SPEG: variants seen among roughly 807,000 people sequenced by gnomAD.
SPEG encodes the protein striated muscle enriched protein kinase, also known as striated muscle preferentially expressed protein kinase.
In SPEG, 114 loss-of-function variants were observed where a neutral mutation model predicts 300.4. The ratio of observed to expected loss-of-function variants is 0.38; its 90% CI spans 0.33 to 0.44. SPEG has a LOEUF of 0.44. Among genes scored for constraint, SPEG ranks in the 20% least tolerant of loss-of-function variants. The pLI is 1.00. For missense variants in SPEG, 4,201 were observed against 4,586.2 expected (o/e 0.92, Z 2.43); for synonymous variants, 1,964 against 2,018.9 (o/e 0.97, Z 0.73).
intron 18 of SPEG, chr2:219,474,515 TGAG>T (rs1392422559): frequency 6.6e-6 from 1 of 152,432 alleles, no homozygotes; most frequent in Non-Finnish European, 1.5e-5. Flanking sequence ...ATTTTACAGA[TGAG>T]GAGACTGAGG....
chr2:219,471,850 C>T lies in SPEG; in HGVS notation c.3716-18C>T. 3.1e-6 allele frequency: 5 copies of T among 1,613,732 alleles called. No homozygotes were observed. The highest frequency in any genetic ancestry group is 4.2e-6 in the Non-Finnish European group (5 of 1,179,916). ...TCCTCCGGGCTCAGGCCCAGTGTCACTGTCCCTCCCCTCCCAGACAGGGAT... is the reference window on the plus strand; with the variant it reads ...TCCTCCGGGCTCAGGCCCAGTGTCATTGTCCCTCCCCTCCCAGACAGGGAT... On this transcript the variant is annotated intron_variant, in intron 13 of 40. Transcript: ENST00000312358.
chr2:219,448,389 C>T lies in SPEG; in HGVS notation c.1231C>T (p.Arg411Trp), dbSNP rs201189275. 14 of 1,550,490 alleles carry T rather than the reference C, an allele frequency of 9.0e-6. No homozygotes were observed. The East Asian group carries it at 3.4e-4, about 38-fold the overall frequency. Residue 411 changes from arginine (R) to tryptophan (W), a missense_variant, in exon 4 of 41, where the codon CGG (arginine) becomes TGG (tryptophan). This residue lies in a region of SPEG where 1,258 missense variants were observed against 1,293.9 expected (regional missense o/e 0.97). Transcript: ENST00000312358. ...CAAGCTGCAGTTCTTCGAGGAGCGA[C>T]GGCGCAGCCTGGAGCGCAGCGACTC... ...LDKLQFFEER[R>W]RSLERSDSPP...
chr2:219,485,556 G>C, intron 31 of SPEG, 79 bp downstream of exon 31: 2 of 1,441,688 alleles, frequency 1.4e-6, no homozygotes, highest in Non-Finnish European at 1.8e-6. Context: ...GTCATGGCTG[G>C]TGAGAGGTGG....
Position 219,444,695 on chromosome 2 carries a change from C to A in SPEG, c.431C>A (p.Thr144Asn). The A allele has an allele frequency of 1.9e-6, 3 of 1,614,018 alleles. No individual in the cohort carries two copies. Among genetic ancestry groups the A allele is most frequent in the Non-Finnish European group, 2.5e-6 (3 of 1,179,942 alleles). Residue 144 changes from threonine to asparagine, a missense_variant, in exon 2 of 41, where the codon ACC becomes AAC. Physicochemically the swap from Thr to Asn is moderately conservative, Grantham distance 65. Coordinates refer to ENST00000312358, the MANE Select transcript of SPEG (RefSeq NM_005876.5). This position sits in a 1 kb window ranked among gnomAD's most constrained non-coding sequence, Gnocchi z 7.8. Reference sequence around the variant, plus strand: ...GATGACATCAGCGATGTGCAGGGAACCCAGCGCCTGGAGCTTCGGGATGAC... The same window carrying A: ...GATGACATCAGCGATGTGCAGGGAAACCAGCGCCTGGAGCTTCGGGATGAC... ...AEDDISDVQG[T>N]QRLELRDDGA...
chr2:219,439,391 A>G lies in SPEG; in HGVS notation c.388+4026A>G, dbSNP rs1301129048. On this transcript the variant is annotated intron_variant, in intron 1 of 40. Transcript: ENST00000312358. This position sits in a 1 kb window ranked among gnomAD's most constrained non-coding sequence, Gnocchi z 4.5. ...AGTGAGGGGAGACAGACAATACACA[A>G]TAAACATAGTAAATAGGTAAATTAC... Among the ~76,000 whole-genome samples, 1 of 152,194 alleles carries G rather than the reference A, an allele frequency of 6.6e-6. No individual in the cohort carries two copies. The highest frequency in any genetic ancestry group is 1.5e-5 in the Non-Finnish European group (1 of 68,038).
At position 219,443,410 on chromosome 2, in the gene SPEG, G is replaced by A. The variant is rs1440703696; in HGVS notation, c.389-1243G>A. ...CTGTTCTCCATGTGAGGCCTAATGG[G>A]AAGGAGTTCATTGCCATGCTTTGGC... On this transcript the variant is annotated intron_variant, in intron 1 of 40. Coordinates refer to ENST00000312358, the MANE Select transcript of SPEG (RefSeq NM_005876.5). The surrounding 1 kb of genome is among the most constrained non-coding windows in gnomAD (Gnocchi z 4.6). 3.7e-6 allele frequency: 2 copies of A among 537,638 alleles called. No individual in the cohort carries two copies. The allele number at this position is 537,638 out of a possible 1,614,324, so 33.3% of individuals were successfully genotyped here.
Position 219,485,464 on chromosome 2 carries a change from G to A in SPEG, c.7728G>A (p.Val2576=), listed in dbSNP as rs1469201839. The part of the protein sequence containing the change: ...SVQEELGHQY[V]RSESDFPPVF... ...AGGAGGAGTTGGGTCACCAGTACGT[G>A]CGCAGTGAGTCAGGTAATAAGAGGC... Residue 2576 remains valine, a synonymous_variant, in exon 31 of 41, where the codon GTG becomes GTA. Transcript: ENST00000312358. 1 of 1,590,582 alleles carries A rather than the reference G, an allele frequency of 6.3e-7. No individual in the cohort carries two copies. Among genetic ancestry groups the A allele is most frequent in the Middle Eastern group, 2.0e-4 (1 of 4,918 alleles).
chr2:219,486,770 G>A (rs1693470025), intron 31 of SPEG, among the ~76,000 whole-genome samples: 1 of 152,020 alleles, frequency 6.6e-6, no homozygotes, highest in Non-Finnish European at 1.5e-5. Context: ...GCAGGGCTGG[G>A]CCCGGGTCAC....
Position 219,484,207 on chromosome 2 carries a change from C to T in SPEG, c.6744C>T (p.Ile2248=), listed in dbSNP as rs1575173470. 1 of 1,612,534 alleles carries T rather than the reference C, an allele frequency of 6.2e-7. No homozygotes were observed. The highest frequency in any genetic ancestry group is 8.5e-7 in the Non-Finnish European group (1 of 1,179,824). Residue 2248 remains isoleucine, a synonymous_variant, in exon 30 of 41, where the codon ATC becomes ATT. Coordinates refer to ENST00000312358, the MANE Select transcript of SPEG (RefSeq NM_005876.5). ...TGCCCCTCACACCCTATGCTCAGAT[C>T]ATTCAGTCCCTCCAGCTGTCAGGCC... The part of the protein sequence containing the change: ...LALPLTPYAQ[I]IQSLQLSGHA...
In SPEG at chr2:219,481,583, T is replaced by C; in HGVS notation, c.5523-55T>C. ...CTTAGGAGCCCTGTTTGCTCAGTTATTGACTCACTGATGACTGAACGATAA... is the reference window on the plus strand; with the variant it reads ...CTTAGGAGCCCTGTTTGCTCAGTTACTGACTCACTGATGACTGAACGATAA... On this transcript the variant is annotated intron_variant, in intron 27 of 40. Coordinates refer to ENST00000312358, the MANE Select transcript of SPEG (RefSeq NM_005876.5). This position sits in a 1 kb window ranked among gnomAD's most constrained non-coding sequence, Gnocchi z 5.4. 2.5e-6 allele frequency: 4 copies of C among 1,606,496 alleles called. No homozygotes were observed. Among genetic ancestry groups the C allele is most frequent in the Non-Finnish European group, 3.4e-6 (4 of 1,173,132 alleles).
In SPEG at chr2:219,483,309, C is replaced by T; in HGVS notation, c.5846C>T (p.Ser1949Phe). The change falls in exon 30 of 41, where the codon TCC becomes TTC. Residue 1949 changes from serine to phenylalanine, a missense_variant. By Grantham distance (155) the Ser-to-Phe change is radical. Coordinates refer to ENST00000312358, the MANE Select transcript of SPEG (RefSeq NM_005876.5). Reference sequence around the variant, plus strand: ...CCCGAGTTCTCTGGCTCCCGGGTGTCCCTCACAGACATTCCCACTGAGGAT... The same window carrying T: ...CCCGAGTTCTCTGGCTCCCGGGTGTTCCTCACAGACATTCCCACTGAGGAT... ...LQPEFSGSRV[S>F]LTDIPTEDEA... The T allele has an allele frequency of 6.2e-7, 1 of 1,605,892 alleles. No homozygotes were observed. The highest frequency in any genetic ancestry group is 8.5e-7 in the Non-Finnish European group (1 of 1,176,188).
Position 219,448,107 on chromosome 2 carries a change from G to C in SPEG, c.949G>C (p.Gly317Arg). ...GCTCCCCCCACCGTCCCCTCGGGTC[G>C]GGAAGCGGTCCCCGCCGGGACCCCC... is the stretch of plus-strand genomic sequence containing the variant. ...ALLPPPSPRV[G>R]KRSPPGPPAQ... Residue 317 changes from glycine (G) to arginine (R), a missense_variant, in exon 4 of 41, where the codon GGG becomes CGG. Physicochemically the swap from Gly to Arg is moderately radical, Grantham distance 125 (BLOSUM62 -2). Transcript: ENST00000312358. The C allele has an allele frequency of 1.2e-6, 2 of 1,603,076 alleles. No individual in the cohort carries two copies. The highest frequency in any genetic ancestry group is 1.7e-6 in the Non-Finnish European group (2 of 1,175,128).
rs1169216083 is a variant in SPEG, at chr2:219,448,870, C to T, written c.1712C>T (p.Pro571Leu). Residue 571 changes from proline to leucine, a missense_variant, in exon 4 of 41, where the codon CCC becomes CTC. Coordinates refer to ENST00000312358, the MANE Select transcript of SPEG (RefSeq NM_005876.5). ...AAGCCGGGGGACGAGCCTGGGAGGC[C>T]CAGGAGCCGCGGGCCGGCGGGCAGG... ...AEKPGDEPGR[P>L]RSRGPAGRTE... 1.1e-5 allele frequency: 15 copies of T among 1,406,316 alleles called. No homozygotes were observed. The East Asian group carries it at 4.2e-4, about 39-fold the overall frequency. 87.1% of individuals were successfully genotyped at this position (1,406,316 alleles called of 1,614,324 possible).
rs772234233 is a variant in SPEG at position 219,483,143 on chromosome 2, C to A, written c.5680C>A (p.Pro1894Thr). The change falls in exon 30 of 41, where the codon CCC (proline) becomes ACC (threonine). Residue 1894 changes from proline (P) to threonine (T), a missense_variant. Coordinates refer to ENST00000312358, the MANE Select transcript of SPEG (RefSeq NM_005876.5). ...YKCHLVLRPI[P>T]ELLRAPPERV... ...ATGCCACCTGGTGCTGCGCCCCATC[C>A]CCGAGCTGCTGCGGGCCCCCCCAGA... 40 of 1,609,130 alleles carry A rather than the reference C, an allele frequency of 2.5e-5. 1 individual carries two copies. The East Asian group carries it at 8.9e-4, about 36-fold the overall frequency.
Position 219,469,240 on chromosome 2 carries a change from G to A in SPEG, c.3576G>A (p.Arg1192=), listed in dbSNP as rs773147309. The A allele has an allele frequency of 6.2e-7, 1 of 1,613,832 alleles. No homozygotes were observed. The part of the protein sequence containing the change: ...LERLSIPDFL[R]PLQDLEVGLA... The stretch of plus-strand genomic sequence containing the variant: ...GGCTGTCCATTCCTGACTTCCTGCG[G>A]CCACTGCAGGACCTGGAGGTGGGAC... The change falls in exon 13 of 41, where the codon CGG becomes CGA. Residue 1192 remains arginine (R), a synonymous_variant. Coordinates refer to ENST00000312358, the MANE Select transcript of SPEG (RefSeq NM_005876.5).
Position 219,477,790 on chromosome 2 carries a change from G to T in SPEG, c.4826+5G>T. ...CATCCACCAGGAGATCGGCAGGTGT[G>T]GGGCTAGGAGGGAAGCCAGTGGGGG... On this transcript the variant is annotated splice_donor_5th_base_variant and intron_variant, in intron 21 of 40. Coordinates refer to ENST00000312358, the MANE Select transcript of SPEG (RefSeq NM_005876.5). This position sits in a 1 kb window ranked among gnomAD's most constrained non-coding sequence, Gnocchi z 6.4. 1 of 1,601,170 alleles carries T rather than the reference G, an allele frequency of 6.2e-7. No individual in the cohort carries two copies.
rs200978079 is a variant in SPEG, at chr2:219,489,585, G to A, written c.8567G>A (p.Arg2856Gln). The change falls in exon 36 of 41, where the codon CGG becomes CAG. Residue 2856 changes from arginine (R) to glutamine (Q), a missense_variant. Physicochemically the swap from Arg to Gln is conservative, Grantham distance 43. Coordinates refer to ENST00000312358, the MANE Select transcript of SPEG (RefSeq NM_005876.5). ...AGACACAGGGGCCTGCAGGCTGCCCGGCCAGCGGAGCCCACCCTACCCAGT... is the reference window on the plus strand; with the variant it reads ...AGACACAGGGGCCTGCAGGCTGCCCAGCCAGCGGAGCCCACCCTACCCAGT... ...PRRHRGLQAARPAEPTLPSTH... is the reference protein window; with the variant it reads ...PRRHRGLQAAQPAEPTLPSTH... 13 of 1,613,386 alleles carry A rather than the reference G, an allele frequency of 8.1e-6. No individual in the cohort carries two copies. Among genetic ancestry groups the A allele is most frequent in the East Asian group, 6.7e-5 (3 of 44,858 alleles).
intron 40 of SPEG, 82 bp from the exon 41 acceptor site, chr2:219,492,512 G>A (rs1425352790): frequency 6.9e-7 from 1 of 1,454,246 alleles, no homozygotes; most frequent in African/African-American, 1.4e-5. Context: ...CCAGGACTGG[G>A]ACATGGGTCT....
At position 219,477,300 on chromosome 2, in the gene SPEG, C is replaced by T. The variant is rs755276729; in HGVS notation, c.4584C>T (p.Ser1528=). 6 of 1,612,490 alleles carry T rather than the reference C, an allele frequency of 3.7e-6. No homozygotes were observed. The African/African-American group carries it at 8.0e-5, about 22-fold the overall frequency. Residue 1528 remains serine (S), a synonymous_variant, in exon 20 of 41, where the codon AGC becomes AGT. Coordinates refer to ENST00000312358, the MANE Select transcript of SPEG (RefSeq NM_005876.5). This position sits in a 1 kb window ranked among gnomAD's most constrained non-coding sequence, Gnocchi z 6.4. The part of the protein sequence containing the change: ...WYKDEVLLTE[S]SHVSFVYEEN... ...AGGACGAGGTGCTGCTGACCGAGAG[C>T]AGCCATGTGAGCTTCGTGTACGAGG...
Sources: allele counts gnomAD v4.1 joint callset (sites outside exome capture counted in the v4.1 genomes callset), GRCh38; gene constraint gnomAD v4.1.1; regional missense constraint gnomAD v4.1.1; non-coding constraint Gnocchi (gnomAD v3.1); transcripts MANE v1.5; gene names NCBI Gene and HGNC (gene_info 2026-07-23, HGNC 2026-07-21).